Variants in NKAIN2 observed in about 807,000 individuals in gnomAD.
The protein encoded by NKAIN2 is sodium/potassium-transporting ATPase subunit beta-1-interacting protein 2.
NKAIN2 carries 14 observed loss-of-function variants against 32.6 expected under a neutral mutation model. The observed-to-expected ratio is 0.43, with a 90% CI of 0.28 to 0.67. NKAIN2 has a LOEUF of 0.67. Ranked by LOEUF, NKAIN2 falls within the 30% of genes least tolerant of loss-of-function variation. The probability of loss-of-function intolerance (pLI) is 0.17; values close to 1 mark genes in which losing one functional copy is unlikely to be tolerated. For missense variants in NKAIN2, 198 were observed against 258.3 expected (o/e 0.77, Z 1.60); for synonymous variants, 80 against 87.2 (o/e 0.92, Z 0.46).
chr6:124,368,629 C>T (rs759564071), intron 3 of NKAIN2, among the ~76,000 whole-genome samples: 1 of 152,112 alleles, frequency 6.6e-6, no homozygotes, highest in Non-Finnish European at 1.5e-5. Context: ...AGAAAATGTT[C>T]GTAGAAGGTC....
At chr6:124,277,441 G>A (rs1190530296) in intron 1 of NKAIN2, among the ~76,000 whole-genome samples, 6 of 151,540 alleles carry the variant, frequency 4.0e-5, no homozygotes, top group African/African-American at 7.3e-5. Flanking sequence ...GTGTGTGTGT[G>A]TGTGTGTGTG....
intron 5 of NKAIN2, among the ~76,000 whole-genome samples, chr6:124,803,955 C>G (rs1053394019): frequency 6.6e-6 from 1 of 152,124 alleles, no homozygotes; most frequent in African/African-American, 2.4e-5. Flanking sequence ...CATATGACAC[C>G]TGATTCTCTC....
At chr6:124,694,135 A>G (rs1774382790) in intron 4 of NKAIN2, among the ~76,000 whole-genome samples, 1 of 152,204 alleles carries the variant, frequency 6.6e-6, no homozygotes, top group Admixed American at 6.5e-5. Context: ...AACATAGAGT[A>G]TGTAATTAAA....
intron 3 of NKAIN2, among the ~76,000 whole-genome samples, chr6:124,481,170 CTTTT>C (rs5879741): frequency 8.9e-4 from 122 of 136,514 alleles, no homozygotes; most frequent in Middle Eastern, 4.2e-3. Context: ...GTTAGAGTTA[CTTTT>C]TTTTTTTTTT....
At chr6:124,444,663 A>G (rs1775818763) in intron 3 of NKAIN2, among the ~76,000 whole-genome samples, 1 of 151,996 alleles carries the variant, frequency 6.6e-6, no homozygotes, top group South Asian at 2.1e-4. Flanking sequence ...TCTGTGTGAC[A>G]TTTTATATTA....
rs142628139 is a variant in NKAIN2, at chr6:124,399,992, T to G, written c.273+44645T>G. 6.0e-3 allele frequency among the ~76,000 whole-genome samples: 918 copies of G among 152,304 alleles called. 5 individuals carry two copies. The highest frequency in any genetic ancestry group is 0.024 in the Middle Eastern group (7 of 294). On this transcript the variant is annotated intron_variant, in intron 3 of 6. Transcript: ENST00000368417. ...TTAGGAAGAAGAATGCTTCCTCCTA[T>G]TTGATAAAAATAAATTAGAGACTAT...
chr6:124,802,952 A>T (rs187257269), intron 5 of NKAIN2, among the ~76,000 whole-genome samples: 27 of 152,236 alleles, frequency 1.8e-4, no homozygotes, highest in African/African-American at 6.5e-4. Flanking sequence ...TTGTGCTTAG[A>T]CTTTCAACAT....
chr6:124,803,335 C>A (rs1490986091), intron 5 of NKAIN2, among the ~76,000 whole-genome samples: 1 of 152,086 alleles, frequency 6.6e-6, no homozygotes, highest in Non-Finnish European at 1.5e-5. Context: ...CAAAGTAATC[C>A]ATCCACCAAG....
At chr6:123,939,806 T>G (rs1776733127) in intron 1 of NKAIN2, among the ~76,000 whole-genome samples, 1 of 151,814 alleles carries the variant, frequency 6.6e-6, no homozygotes, top group Non-Finnish European at 1.5e-5. Context: ...CAGCCACACT[T>G]TTTTTTTCCA....
chr6:124,153,198 C>T (rs762744421), intron 1 of NKAIN2, among the ~76,000 whole-genome samples: 6 of 151,618 alleles, frequency 4.0e-5, no homozygotes, highest in East Asian at 1.9e-4. Flanking sequence ...ATGGATATTC[C>T]GATTACCCTG....
intron 1 of NKAIN2, among the ~76,000 whole-genome samples, chr6:123,982,335 G>T (rs1199151715): frequency 6.6e-6 from 1 of 152,164 alleles, no homozygotes; most frequent in Admixed American, 6.5e-5. Flanking sequence ...AGAGGGCAAG[G>T]CTTCTTAATT....
chr6:124,104,420 T>C (rs1785024778), intron 1 of NKAIN2, among the ~76,000 whole-genome samples: 2 of 152,192 alleles, frequency 1.3e-5, no homozygotes, highest in African/African-American at 4.8e-5. Flanking sequence ...TGAATTTTTT[T>C]CTCATCAAGA....
intron 3 of NKAIN2, among the ~76,000 whole-genome samples, chr6:124,649,594 T>G (rs1784294264): frequency 6.6e-6 from 1 of 152,148 alleles, no homozygotes; most frequent in African/African-American, 2.4e-5. Context: ...GCAGAGACAC[T>G]AACTTCGTAA....
At chr6:124,173,481 G>A (rs1485055907) in intron 1 of NKAIN2, among the ~76,000 whole-genome samples, 3 of 151,992 alleles carry the variant, frequency 2.0e-5, no homozygotes, top group Non-Finnish European at 2.9e-5. Flanking sequence ...CAAAGATTGA[G>A]CCTTAAAGAA....
At chr6:124,196,790 T>G (rs1023112490) in intron 1 of NKAIN2, among the ~76,000 whole-genome samples, 1 of 152,018 alleles carries the variant, frequency 6.6e-6, no homozygotes. Flanking sequence ...ATTTGTATCA[T>G]GGTGATTTTA....
chr6:124,756,644 T>C (rs1777981419), intron 4 of NKAIN2, among the ~76,000 whole-genome samples: 1 of 27,754 alleles, frequency 3.6e-5, no homozygotes, highest in Non-Finnish European at 9.3e-5. Context: ...AATAAACAAA[T>C]GCAATTTTTA....
At chr6:124,243,394 C>G (rs987678339) in intron 1 of NKAIN2, among the ~76,000 whole-genome samples, 2 of 151,774 alleles carry the variant, frequency 1.3e-5, no homozygotes, top group Admixed American at 1.3e-4. Context: ...ACTTGGCAGG[C>G]TGAGGTAAGA....
intron 3 of NKAIN2, among the ~76,000 whole-genome samples, chr6:124,447,954 T>C (rs576813573): frequency 1.3e-5 from 2 of 152,194 alleles, no homozygotes; most frequent in African/African-American, 4.8e-5. Context: ...TCGTATGATG[T>C]GTGAAGGGAT....
At chr6:123,864,357 G>A (rs556875776) in intron 1 of NKAIN2, among the ~76,000 whole-genome samples, 2 of 152,280 alleles carry the variant, frequency 1.3e-5, no homozygotes, top group South Asian at 4.1e-4. Context: ...TCTTTGGACT[G>A]TAAATGTAAG....
Sources: allele counts gnomAD v4.1 joint callset (sites outside exome capture counted in the v4.1 genomes callset), GRCh38; gene constraint gnomAD v4.1.1; transcripts MANE v1.5; gene names NCBI Gene and HGNC (gene_info 2026-07-23, HGNC 2026-07-21).